TP53I11: variants seen among roughly 807,000 people sequenced by gnomAD.
TP53I11 encodes tumor protein p53 inducible protein 11, also known as tumor protein p53-inducible protein 11.
A neutral mutation model predicts 23.3 loss-of-function variants in TP53I11; 9 were observed. That is an observed-to-expected ratio of 0.39 (90% confidence interval 0.23 to 0.67). TP53I11 has a LOEUF of 0.67. Ranked by LOEUF, TP53I11 falls within the 30% of genes least tolerant of loss-of-function variation. The pLI is 0.48. For missense variants in TP53I11, 170 were observed against 255.2 expected (o/e 0.67, Z 2.27); for synonymous variants, 100 against 106.1 (o/e 0.94, Z 0.35).
chr11:44,936,125 A>G lies in TP53I11; in HGVS notation c.335-463T>C, dbSNP rs903215691. On this transcript the variant is annotated intron_variant, in intron 5 of 6. Coordinates refer to ENST00000525680, the MANE Select transcript of TP53I11 (RefSeq NM_006034.5). This position sits in a 1 kb window ranked among gnomAD's most constrained non-coding sequence, Gnocchi z 4.4. ...TCGCTTTAAGGAAGTCCCCTGGGGG[A>G]GGGGGATGAACCATACTTTTTAGCA... 4 of 739,632 alleles carry G rather than the reference A, an allele frequency of 5.4e-6. No individual in the cohort carries two copies. The highest frequency in any genetic ancestry group is 6.7e-6 in the Non-Finnish European group (4 of 598,020). 45.8% of individuals were successfully genotyped at this position (739,632 alleles called of 1,614,324 possible). A position where few individuals can be genotyped will look rare whatever the true frequency, so the allele number is the denominator to read the frequency against.
chr11:44,937,688 G>C (rs1861309328), intron 2 of TP53I11, 75 bp from the exon 3 acceptor site: 1 of 1,508,166 alleles, frequency 6.6e-7, no homozygotes, highest in Admixed American at 1.7e-5. Context: ...TCCTCCCAGA[G>C]CCCTGCACAC....
intron 4 of TP53I11, 45 bp downstream of exon 4, chr11:44,937,259 G>A (rs923767145): frequency 3.2e-6 from 5 of 1,538,890 alleles, no homozygotes; most frequent in Non-Finnish European, 4.4e-6. Context: ...AGGGCTGAGG[G>A]AGCCACACGG....
In TP53I11 at chr11:44,937,560, C is replaced by T. The variant is rs373638166; in HGVS notation, c.183G>A (p.Gly61=). ...AAAGTCAGGTAAATGCTCACCTGAG[C>T]CCCAAAGGCTCCCGAATGGTAAACT... The part of the protein sequence containing the change: ...EIKFTIREPL[G]LRVWQFVSAV... The change falls in exon 3 of 7, where the codon GGG becomes GGA. Residue 61 remains glycine, a synonymous_variant. Coordinates refer to ENST00000525680, the MANE Select transcript of TP53I11 (RefSeq NM_006034.5). 2.0e-5 allele frequency: 32 copies of T among 1,613,712 alleles called. No individual in the cohort carries two copies. Among genetic ancestry groups the T allele is most frequent in the Non-Finnish European group, 2.6e-5 (31 of 1,179,876 alleles).
Position 44,935,555 on chromosome 11 carries a change from AC to A in TP53I11, c.436+5del. The A allele has an allele frequency of 6.2e-7, 1 of 1,613,748 alleles. No individual in the cohort carries two copies. Among genetic ancestry groups the A allele is most frequent in the Non-Finnish European group, 8.5e-7 (1 of 1,179,810 alleles). On this transcript the variant is annotated splice_donor_5th_base_variant and intron_variant, in intron 6 of 6. Transcript: ENST00000525680. Reference sequence around the variant, plus strand: ...AGCCTCCCTCACTGCCCACCTCAGGACTCACCCAAGAACTGGACCCCGAAAT... The same window carrying A: ...AGCCTCCCTCACTGCCCACCTCAGGATCACCCAAGAACTGGACCCCGAAAT...
chr11:44,938,376 G>C lies in TP53I11; in HGVS notation c.-31-10C>G. ...GGCCTCTGCAGAAGGGCTGAGGGGA[G>C]ACACCGGCCTCAGGCCACAGTTCCT... On this transcript the variant is annotated splice_polypyrimidine_tract_variant and intron_variant, in intron 1 of 6. Coordinates refer to ENST00000525680, the MANE Select transcript of TP53I11 (RefSeq NM_006034.5). The C allele has an allele frequency of 1.3e-6, 2 of 1,528,106 alleles. No individual in the cohort carries two copies. Among genetic ancestry groups the C allele is most frequent in the East Asian group, 2.4e-5 (1 of 41,548 alleles). 94.7% of individuals were successfully genotyped at this position (1,528,106 alleles called of 1,614,324 possible). A position where few individuals can be genotyped will look rare whatever the true frequency, so the allele number is the denominator to read the frequency against.
In TP53I11 at chr11:44,934,926, A is replaced by C; in HGVS notation, c.528T>G (p.Ile176Met). 1 of 1,614,146 alleles carries C rather than the reference A, an allele frequency of 6.2e-7. No individual in the cohort carries two copies. The highest frequency in any genetic ancestry group is 8.5e-7 in the Non-Finnish European group (1 of 1,180,002). Residue 176 changes from isoleucine (I) to methionine (M), a missense_variant, in exon 7 of 7, where the codon ATT (isoleucine) becomes ATG (methionine). Coordinates refer to ENST00000525680, the MANE Select transcript of TP53I11 (RefSeq NM_006034.5). The part of the protein sequence containing the change: ...VSRLLFVVIS[I>M]YYYYQVGRRP... Reference sequence around the variant, plus strand: ...TTCGGCCGACTTGGTAATAGTAGTAAATGCTGATGACGACAAAAAGGAGGC... The same window carrying C: ...TTCGGCCGACTTGGTAATAGTAGTACATGCTGATGACGACAAAAAGGAGGC...
Position 44,932,928 on chromosome 11 carries a change from A to C in TP53I11, c.*1956T>G, listed in dbSNP as rs1268185612. 2.6e-5 allele frequency: 4 copies of C among 152,242 alleles called. No individual in the cohort carries two copies. The highest frequency in any genetic ancestry group is 6.5e-5 in the Admixed American group (1 of 15,286). The allele number at this position is 152,242 out of a possible 1,614,324, so 9.4% of individuals were successfully genotyped here. On this transcript the variant is annotated 3_prime_UTR_variant, in exon 7 of 7. Coordinates refer to ENST00000525680, the MANE Select transcript of TP53I11 (RefSeq NM_006034.5). The stretch of plus-strand genomic sequence containing the variant: ...GGTGGAATCCACCTGCAGTTATGGG[A>C]GGACAAACCAACCATCACTATTAGA...
At position 44,935,004 on chromosome 11, in the gene TP53I11, C is replaced by T. The variant is rs775532312; in HGVS notation, c.450G>A (p.Thr150=). The change falls in exon 7 of 7, where the codon ACG becomes ACA. Residue 150 remains threonine (T), a synonymous_variant. Coordinates refer to ENST00000525680, the MANE Select transcript of TP53I11 (RefSeq NM_006034.5). ...GGGACATGAGGCCCGTCTCAGCTAG[C>T]GTGGCAGTGACCACTGTGGGAGAGA... The part of the protein sequence containing the change: ...FGVQFLVVTA[T]LAETGLMSLG... 2 of 1,613,738 alleles carry T rather than the reference C, an allele frequency of 1.2e-6. No homozygotes were observed. The highest frequency in any genetic ancestry group is 8.5e-7 in the Non-Finnish European group (1 of 1,179,966).
chr11:44,936,562 T>C lies in TP53I11; in HGVS notation c.334+241A>G, dbSNP rs926167053. On this transcript the variant is annotated intron_variant, in intron 5 of 6. Coordinates refer to ENST00000525680, the MANE Select transcript of TP53I11 (RefSeq NM_006034.5). The surrounding 1 kb of genome is among the most constrained non-coding windows in gnomAD (Gnocchi z 4.4). ...CGCCCAGAGGCAGTGCACACACTTA[T>C]GAGCGCTCCTTGCAGATGGTGGCGA... is the stretch of plus-strand genomic sequence containing the variant. 5 of 1,307,612 alleles carry C rather than the reference T, an allele frequency of 3.8e-6. No homozygotes were observed. Among genetic ancestry groups the C allele is most frequent in the South Asian group, 2.3e-5 (1 of 43,566 alleles). 81.0% of individuals were successfully genotyped at this position (1,307,612 alleles called of 1,614,324 possible).
At chr11:44,938,463 G>A (rs1861414037) in intron 1 of TP53I11, 97 bp from the exon 2 acceptor site, 2 of 1,346,812 alleles carry the variant, frequency 1.5e-6, no homozygotes, top group Non-Finnish European at 1.9e-6. Context: ...CCCACACCAG[G>A]CCTGCTGAGG....
At chr11:44,946,912 G>A in intron 1 of TP53I11, 1 of 419,160 alleles carries the variant, frequency 2.4e-6, no homozygotes, top group South Asian at 1.7e-5. Context: ...GCCTGGACTG[G>A]CACACAGGTC....
chr11:44,941,085 GC>G (rs1276441443), intron 1 of TP53I11: 1 of 152,134 alleles, frequency 6.6e-6, no homozygotes, highest in Non-Finnish European at 1.5e-5. Context: ...TTCCTAGGGA[GC>G]CCGGGGCAAA....
chr11:44,933,548 CAG>C lies in TP53I11; in HGVS notation c.*1334_*1335del, dbSNP rs1443231081. ...TGTACAGCACAGGCTGGTGGGCCCTCAGGGAGAAGCTGGGCGGTGGGTATGCA... is the reference window on the plus strand; with the variant it reads ...TGTACAGCACAGGCTGGTGGGCCCTCGGAGAAGCTGGGCGGTGGGTATGCA... On this transcript the variant is annotated 3_prime_UTR_variant, in exon 7 of 7. Coordinates refer to ENST00000525680, the MANE Select transcript of TP53I11 (RefSeq NM_006034.5). 1.3e-5 allele frequency: 2 copies of C among 155,392 alleles called. No homozygotes were observed. The highest frequency in any genetic ancestry group is 2.8e-5 in the Non-Finnish European group (2 of 70,198). 9.6% of individuals were successfully genotyped at this position (155,392 alleles called of 1,614,324 possible).
rs1861097068 is a variant in TP53I11 at position 44,936,221 on chromosome 11, G to A, written c.335-559C>T. ...CTGCTGGTACCAGACATGCCACTGGGTGTGCATTTATTTTATTCCAGCAAC... is the reference window on the plus strand; with the variant it reads ...CTGCTGGTACCAGACATGCCACTGGATGTGCATTTATTTTATTCCAGCAAC... On this transcript the variant is annotated intron_variant, in intron 5 of 6. Coordinates refer to ENST00000525680, the MANE Select transcript of TP53I11 (RefSeq NM_006034.5). The surrounding 1 kb of genome is among the most constrained non-coding windows in gnomAD (Gnocchi z 4.4). 9.7e-7 allele frequency: 1 copy of A among 1,031,338 alleles called. No individual in the cohort carries two copies. The allele number at this position is 1,031,338 out of a possible 1,614,324, so 63.9% of individuals were successfully genotyped here. A position where few individuals can be genotyped will look rare whatever the true frequency, so the allele number is the denominator to read the frequency against.
At chr11:44,948,855 G>T (rs1862636586) in intron 1 of TP53I11, among the ~76,000 whole-genome samples, 2 of 152,230 alleles carry the variant, frequency 1.3e-5, no homozygotes, top group African/African-American at 4.8e-5. Context: ...GCTATCAAAA[G>T]AAATTGGGAG....
rs746518110 is a variant in TP53I11 at position 44,936,197 on chromosome 11, T to C, written c.335-535A>G. 9.8e-7 allele frequency: 1 copy of C among 1,017,996 alleles called. No homozygotes were observed. The highest frequency in any genetic ancestry group is 1.2e-6 in the Non-Finnish European group (1 of 851,922). 63.1% of individuals were successfully genotyped at this position (1,017,996 alleles called of 1,614,324 possible). On this transcript the variant is annotated intron_variant, in intron 5 of 6. Coordinates refer to ENST00000525680, the MANE Select transcript of TP53I11 (RefSeq NM_006034.5). This position sits in a 1 kb window ranked among gnomAD's most constrained non-coding sequence, Gnocchi z 4.4. ...TAGCAGGCCCCGCCCACCCAGTGTC[T>C]GCTGGTACCAGACATGCCACTGGGT...
chr11:44,950,790 C>T lies in TP53I11; in HGVS notation c.-145G>A. ...CCGGGCCGGGCAGTGCAGGGCAGGG[C>T]AGGGCAGGGCAGGGCAGGACAGGGC... On this transcript the variant is annotated 5_prime_UTR_variant, in exon 1 of 7. Transcript: ENST00000525680. 1 of 125,648 alleles carries T rather than the reference C, an allele frequency of 8.0e-6. No homozygotes were observed. The highest frequency in any genetic ancestry group is 1.8e-5 in the Non-Finnish European group (1 of 56,454). The allele number at this position is 125,648 out of a possible 1,614,324, so 7.8% of individuals were successfully genotyped here.
At chr11:44,950,020 G>C (rs953081653) in intron 1 of TP53I11, 1 of 152,346 alleles carries the variant, frequency 6.6e-6, no homozygotes, top group African/African-American at 2.4e-5. Context: ...CCGGCGGTGA[G>C]CTCCGAGCCG....
chr11:44,936,490 G>A lies in TP53I11; in HGVS notation c.334+313C>T. Reference sequence around the variant, plus strand: ...TTGATCTGCCTCTCCTCTAGGCTGTGAATTCCTAGAGGCTGGGCCTGGGCT... The same window carrying A: ...TTGATCTGCCTCTCCTCTAGGCTGTAAATTCCTAGAGGCTGGGCCTGGGCT... On this transcript the variant is annotated intron_variant, in intron 5 of 6. Coordinates refer to ENST00000525680, the MANE Select transcript of TP53I11 (RefSeq NM_006034.5). This position sits in a 1 kb window ranked among gnomAD's most constrained non-coding sequence, Gnocchi z 4.4. 1 of 1,240,312 alleles carries A rather than the reference G, an allele frequency of 8.1e-7. No homozygotes were observed. The highest frequency in any genetic ancestry group is 1.0e-6 in the Non-Finnish European group (1 of 992,938). 76.8% of individuals were successfully genotyped at this position (1,240,312 alleles called of 1,614,324 possible).
Sources: allele counts gnomAD v4.1 joint callset (sites outside exome capture counted in the v4.1 genomes callset), GRCh38; gene constraint gnomAD v4.1.1; non-coding constraint Gnocchi (gnomAD v3.1); transcripts MANE v1.5; gene names NCBI Gene and HGNC (gene_info 2026-07-23, HGNC 2026-07-21).